PDCD4: variants seen among roughly 807,000 people sequenced by gnomAD.
PDCD4 encodes the protein programmed cell death protein 4.
Under a neutral mutation model 54.0 loss-of-function variants are expected in PDCD4, and 56 were observed. That is an observed-to-expected ratio of 1.04 (90% CI 0.84 to 1.30). The LOEUF (loss-of-function observed/expected upper bound fraction) is 1.30. Among genes scored for constraint, PDCD4 ranks in the 50% most tolerant of loss-of-function variants. The pLI is 0.00. For missense variants in PDCD4, 584 were observed against 559.8 expected (o/e 1.04, Z -0.44); for synonymous variants, 186 against 194.8 (o/e 0.95, Z 0.37).
chr10:110,880,681 C>T (rs1362110526), intron 2 of PDCD4, among the ~76,000 whole-genome samples: 2 of 152,168 alleles, frequency 1.3e-5, no homozygotes, highest in African/African-American at 4.8e-5. Context: ...AGTTATGGGA[C>T]GTTTGGCAAA....
chr10:110,898,589 C>T lies in PDCD4; in HGVS notation c.*501C>T, dbSNP rs1375338553. 1 of 152,576 alleles carries T rather than the reference C, an allele frequency of 6.6e-6. No homozygotes were observed. Among genetic ancestry groups the T allele is most frequent in the Non-Finnish European group, 1.5e-5 (1 of 68,034 alleles). 9.5% of individuals were successfully genotyped at this position (152,576 alleles called of 1,614,324 possible). On this transcript the variant is annotated 3_prime_UTR_variant, in exon 12 of 12. Coordinates refer to ENST00000280154, the MANE Select transcript of PDCD4 (RefSeq NM_014456.5). ...AATTTTTAAAAAATTAGTCATGAGA[C>T]TTATTCATCTTTCCAGGGAACATAC...
At chr10:110,880,852 C>G (rs1845579532) in intron 2 of PDCD4, among the ~76,000 whole-genome samples, 1 of 152,146 alleles carries the variant, frequency 6.6e-6, no homozygotes, top group Non-Finnish European at 1.5e-5. Flanking sequence ...GATGCTTTGT[C>G]TTTTCTTAAT....
chr10:110,874,786 A>T (rs774358302), intron 1 of PDCD4, among the ~76,000 whole-genome samples: 16 of 152,154 alleles, frequency 1.1e-4, no homozygotes, highest in Non-Finnish European at 2.4e-4. Flanking sequence ...AGCAAATAGT[A>T]GTACATAATG....
intron 3 of PDCD4, 22 bp downstream of exon 3, chr10:110,881,557 C>G: frequency 6.4e-7 from 1 of 1,569,604 alleles, no homozygotes; most frequent in Non-Finnish European, 8.7e-7. Context: ...TCATGTCCAA[C>G]AAATGGAAGA....
At chr10:110,884,293 C>T (rs1367512776) in intron 4 of PDCD4, among the ~76,000 whole-genome samples, 2 of 152,050 alleles carry the variant, frequency 1.3e-5, no homozygotes, top group African/African-American at 2.4e-5. Flanking sequence ...TTATTGGGTT[C>T]GGTACTATCT....
chr10:110,891,955 G>C (rs1016460265), intron 8 of PDCD4, among the ~76,000 whole-genome samples: 2 of 152,028 alleles, frequency 1.3e-5, no homozygotes, highest in Non-Finnish European at 2.9e-5. Flanking sequence ...CAGAAAATTT[G>C]AATGAATCCA....
intron 4 of PDCD4, 70 bp from the exon 5 acceptor site, chr10:110,885,183 T>C (rs1845650640): frequency 1.4e-6 from 1 of 731,422 alleles, no homozygotes; most frequent in South Asian, 1.6e-5. Context: ...GAATATAAAA[T>C]TGTACAACAA....
intron 6 of PDCD4, among the ~76,000 whole-genome samples, chr10:110,888,098 TCTTG>T (rs1456549096): frequency 6.6e-6 from 1 of 152,130 alleles, no homozygotes; most frequent in Admixed American, 6.5e-5. Context: ...TTTAATGTTA[TCTTG>T]TACTTTTCCC....
intron 11 of PDCD4, among the ~76,000 whole-genome samples, chr10:110,896,439 A>T (rs902042849): frequency 6.6e-6 from 1 of 152,180 alleles, no homozygotes; most frequent in Non-Finnish European, 1.5e-5. Flanking sequence ...GGTAGAAGCC[A>T]AGTATGAATT....
chr10:110,875,401 G>T (rs1246458979), intron 1 of PDCD4, among the ~76,000 whole-genome samples: 2 of 152,046 alleles, frequency 1.3e-5, no homozygotes, highest in Non-Finnish European at 1.5e-5. Flanking sequence ...GATTTTAAAA[G>T]TTTCTCCCAA....
At chr10:110,872,647 C>G (rs1845435500) in intron 1 of PDCD4, among the ~76,000 whole-genome samples, 4 of 152,198 alleles carry the variant, frequency 2.6e-5, no homozygotes. Context: ...GCTATCCTCG[C>G]CGGGGGCGCT....
rs1022370581 is a variant in PDCD4 at position 110,881,423 on chromosome 10, C to T, written c.234C>T (p.Ser78=). ...ACTCTGGCAGAGGCGATTCGGTCAGCGACAGTGGGAGTGACGCCCTTAGAA... is the reference window on the plus strand; with the variant it reads ...ACTCTGGCAGAGGCGATTCGGTCAGTGACAGTGGGAGTGACGCCCTTAGAA... ...SRDSGRGDSV[S]DSGSDALRSG... The change falls in exon 3 of 12, where the codon AGC becomes AGT. Residue 78 remains serine, a synonymous_variant. Coordinates refer to ENST00000280154, the MANE Select transcript of PDCD4 (RefSeq NM_014456.5). The T allele has an allele frequency of 1.5e-5, 25 of 1,614,040 alleles. No individual in the cohort carries two copies. Among genetic ancestry groups the T allele is most frequent in the Non-Finnish European group, 1.9e-5 (23 of 1,180,040 alleles).
At position 110,899,141 on chromosome 10, in the gene PDCD4, T is replaced by G. The variant is rs1845907901; in HGVS notation, c.*1053T>G. The stretch of plus-strand genomic sequence containing the variant: ...CAATTAACAATAAAGAATGATCATA[T>G]TTTTAACCTCTTTTACATAGCCTAA... On this transcript the variant is annotated 3_prime_UTR_variant, in exon 12 of 12. Coordinates refer to ENST00000280154, the MANE Select transcript of PDCD4 (RefSeq NM_014456.5). 1 of 152,186 alleles carries G rather than the reference T, an allele frequency of 6.6e-6. No individual in the cohort carries two copies. The highest frequency in any genetic ancestry group is 2.4e-5 in the African/African-American group (1 of 41,448). The allele number at this position is 152,186 out of a possible 1,614,324, so 9.4% of individuals were successfully genotyped here. A position where few individuals can be genotyped will look rare whatever the true frequency, so the allele number is the denominator to read the frequency against.
rs1564684081 is a variant in PDCD4 at position 110,889,647 on chromosome 10, T to TC, written c.875+19dup. 7.1e-7 allele frequency: 1 copy of TC among 1,409,236 alleles called. No individual in the cohort carries two copies. The highest frequency in any genetic ancestry group is 9.9e-7 in the Non-Finnish European group (1 of 1,005,810). The allele number at this position is 1,409,236 out of a possible 1,614,324, so 87.3% of individuals were successfully genotyped here. On this transcript the variant is annotated intron_variant, in intron 7 of 11. Coordinates refer to ENST00000280154, the MANE Select transcript of PDCD4 (RefSeq NM_014456.5). ...GCAGGCTAGGTAAGTAAATCACTTT[T>TC]CCTACTTAGAATTTCAAAATAGGGG...
intron 2 of PDCD4, among the ~76,000 whole-genome samples, chr10:110,878,181 C>T (rs1318989710): frequency 6.6e-6 from 1 of 151,960 alleles, no homozygotes; most frequent in Non-Finnish European, 1.5e-5. Context: ...TATGGAACTC[C>T]AACAGTTAGG....
At chr10:110,875,879 TAC>T (rs1334899636) in intron 1 of PDCD4, 85 bp from the exon 2 acceptor site, 1 of 497,680 alleles carries the variant, frequency 2.0e-6, no homozygotes, top group East Asian at 3.5e-5. Context: ...CGTTTGTTTT[TAC>T]AGTGTGCTTA....
chr10:110,875,655 G>A (rs746457336), intron 1 of PDCD4, among the ~76,000 whole-genome samples: 44 of 151,994 alleles, frequency 2.9e-4, no homozygotes, highest in Non-Finnish European at 5.3e-4. Context: ...TTGGATGTGT[G>A]TATTTCTTTA....
At position 110,881,437 on chromosome 10, in the gene PDCD4, A is replaced by G. The variant is rs200304334; in HGVS notation, c.248A>G (p.Asp83Gly). 3.7e-6 allele frequency: 6 copies of G among 1,614,100 alleles called. No homozygotes were observed. The highest frequency in any genetic ancestry group is 1.3e-5 in the African/African-American group (1 of 74,944). ...GATTCGGTCAGCGACAGTGGGAGTG[A>G]CGCCCTTAGAAGTGGATTAACTGTG... Reference protein sequence around the residue: ...RGDSVSDSGSDALRSGLTVPT... With the variant: ...RGDSVSDSGSGALRSGLTVPT... Residue 83 changes from aspartate to glycine, a missense_variant, in exon 3 of 12, where the codon GAC becomes GGC. Physicochemically the swap from Asp to Gly is moderately conservative, Grantham distance 94 (BLOSUM62 -1). Transcript: ENST00000280154.
intron 1 of PDCD4, among the ~76,000 whole-genome samples, chr10:110,874,069 C>G (rs1179593178): frequency 6.6e-6 from 1 of 152,176 alleles, no homozygotes; most frequent in African/African-American, 2.4e-5. Context: ...GCAAACAGTA[C>G]TGGATTTGGA....
Sources: gnomAD v4.1 joint callset for allele counts (sites outside exome capture counted in the v4.1 genomes callset) on GRCh38, gnomAD v4.1.1 for gene constraint, MANE v1.5 for transcripts, NCBI Gene and HGNC (gene_info 2026-07-23, HGNC 2026-07-21) for gene names.